DGKG: variants seen among roughly 807,000 people sequenced by gnomAD.
The protein encoded by DGKG is DAG kinase gamma.
A neutral mutation model predicts 105.3 loss-of-function variants in DGKG; 78 were observed. The ratio of observed to expected loss-of-function variants is 0.74; its 90% CI spans 0.62 to 0.89. The LOEUF is 0.89. Ranked by LOEUF, DGKG falls within the 40% of genes least tolerant of loss-of-function variation. The probability of loss-of-function intolerance (pLI) is 0.00; values close to 1 mark genes in which losing one functional copy is unlikely to be tolerated. For synonymous variants in DGKG, 346 were observed against 367.1 expected, an observed-to-expected ratio of 0.94 and a Z score of 0.66; for missense variants, 958 against 1,020.1, an observed-to-expected ratio of 0.94 and a Z score of 0.83.
intron 3 of DGKG, among the ~76,000 whole-genome samples, chr3:186,299,283 T>G (rs914883261): frequency 3.9e-5 from 6 of 152,340 alleles, no homozygotes; most frequent in African/African-American, 1.4e-4. Context: ...CCCATCAAAA[T>G]GTTGGTAGCA....
At chr3:186,294,253 C>G (rs898639206) in intron 5 of DGKG, among the ~76,000 whole-genome samples, 1 of 152,164 alleles carries the variant, frequency 6.6e-6, no homozygotes, top group Non-Finnish European at 1.5e-5. Context: ...TTCCTTGGTA[C>G]CTCAGAAACA....
chr3:186,264,573 T>G (rs1297455820), intron 14 of DGKG, among the ~76,000 whole-genome samples: 1 of 152,216 alleles, frequency 6.6e-6, no homozygotes, highest in Non-Finnish European at 1.5e-5. Flanking sequence ...CTTTTACTTT[T>G]CACAACACGT....
chr3:186,347,860 G>A (rs1726421844), intron 1 of DGKG, among the ~76,000 whole-genome samples: 1 of 152,210 alleles, frequency 6.6e-6, no homozygotes, highest in African/African-American at 2.4e-5. Flanking sequence ...TGGGATTACA[G>A]GCATGAGCCT....
At chr3:186,321,795 G>T (rs1473909046) in intron 1 of DGKG, among the ~76,000 whole-genome samples, 1 of 152,186 alleles carries the variant, frequency 6.6e-6, no homozygotes, top group African/African-American at 2.4e-5. Flanking sequence ...GAGAGAGAGA[G>T]ATTCTAGCTT....
intron 24 of DGKG, among the ~76,000 whole-genome samples, chr3:186,157,570 G>T (rs1244148588): frequency 1.3e-5 from 2 of 152,062 alleles, no homozygotes; most frequent in African/African-American, 4.8e-5. Context: ...TCACCAATAA[G>T]GCCATCTGTT....
intron 2 of DGKG, among the ~76,000 whole-genome samples, chr3:186,316,331 A>C (rs548499252): frequency 6.6e-6 from 1 of 152,374 alleles, no homozygotes; most frequent in African/African-American, 2.4e-5. Context: ...AGCATACAAA[A>C]TAGCACAACA....
chr3:186,216,253 G>A (rs561093983), intron 20 of DGKG, among the ~76,000 whole-genome samples: 109 of 151,852 alleles, frequency 7.2e-4, no homozygotes, highest in Non-Finnish European at 1.2e-3. Flanking sequence ...ATCCACCTTG[G>A]CCTCTCAAAG....
rs10529645 is a variant in DGKG, at chr3:186,250,557, C to CTTTTTTTTTTTTTTTTTTTT, written c.1761+1201_1761+1202insAAAAAAAAAAAAAAAAAAAA. 6.1e-4 allele frequency among the ~76,000 whole-genome samples: 71 copies of CTTTTTTTTTTTTTTTTTTTT among 116,146 alleles called. 4 individuals carry two copies. The highest frequency in any genetic ancestry group is 9.1e-4 in the African/African-American group (28 of 30,612). 76.2% of individuals were successfully genotyped at this position (116,146 alleles called of 152,430 possible). A position where few individuals can be genotyped will look rare whatever the true frequency, so the allele number is the denominator to read the frequency against. Reference sequence around the variant, plus strand: ...CAAATAGTTCAATAATTCTGTCATTCTTTTTTTTTTGAGACAGAGTCTCGC... The same window carrying CTTTTTTTTTTTTTTTTTTTT: ...CAAATAGTTCAATAATTCTGTCATTCTTTTTTTTTTTTTTTTTTTTTTTTTTTTTTGAGACAGAGTCTCGC... On this transcript the variant is annotated intron_variant, in intron 19 of 24. Transcript: ENST00000265022.
chr3:186,186,268 C>A (rs759675), intron 22 of DGKG, among the ~76,000 whole-genome samples: 1 of 152,012 alleles, frequency 6.6e-6, no homozygotes. Flanking sequence ...TTGATGTCAG[C>A]GGAGTTTTGT....
chr3:186,215,139 G>A (rs1293624195), intron 20 of DGKG, among the ~76,000 whole-genome samples: 2 of 152,150 alleles, frequency 1.3e-5, no homozygotes, highest in African/African-American at 2.4e-5. Flanking sequence ...GGTGGGGCGC[G>A]ACGGCTCACG....
At chr3:186,266,454 C>T (rs946079505) in intron 13 of DGKG, among the ~76,000 whole-genome samples, 1 of 152,130 alleles carries the variant, frequency 6.6e-6, no homozygotes, top group African/African-American at 2.4e-5. Flanking sequence ...TATGAGCATT[C>T]TTGTGCATGT....
At chr3:186,153,884 C>T (rs1376018512) in intron 24 of DGKG, among the ~76,000 whole-genome samples, 2 of 151,924 alleles carry the variant, frequency 1.3e-5, no homozygotes, top group African/African-American at 4.8e-5. Context: ...AGGGGCAGAT[C>T]GCATGAGCGC....
At chr3:186,165,120 C>G in intron 22 of DGKG, 102 bp from the exon 23 acceptor site, 2 of 1,275,324 alleles carry the variant, frequency 1.6e-6, no homozygotes, top group Non-Finnish European at 2.1e-6. Flanking sequence ...GTCTGTATCC[C>G]TTCATCTCCC....
intron 19 of DGKG, among the ~76,000 whole-genome samples, chr3:186,251,363 T>G (rs1168097015): frequency 6.6e-6 from 1 of 152,128 alleles, no homozygotes; most frequent in Non-Finnish European, 1.5e-5. Flanking sequence ...GACCACATGG[T>G]CTTCCTTTGA....
intron 22 of DGKG, among the ~76,000 whole-genome samples, chr3:186,173,175 C>T (rs1306930814): frequency 6.6e-6 from 1 of 152,230 alleles, no homozygotes. Flanking sequence ...CTCATTAAGG[C>T]TCTGTCTCCA....
At chr3:186,307,039 A>T in intron 2 of DGKG, 62 bp from the exon 3 acceptor site, 4 of 1,133,526 alleles carry the variant, frequency 3.5e-6, no homozygotes, top group Non-Finnish European at 4.0e-6. Flanking sequence ...TGGGCCAAGT[A>T]AATTCTCCCT....
At position 186,327,313 on chromosome 3, in the gene DGKG, G is replaced by A. The variant is rs550112512; in HGVS notation, c.-248-6606C>T. Among the ~76,000 whole-genome samples the A allele has an allele frequency of 2.6e-5, 4 of 151,494 alleles. No homozygotes were observed. In the South Asian group the frequency reaches 8.4e-4, roughly 32 times the overall value. ...GTGTTTAGTTTTGCACATGTGAGAA[G>A]ATATGTGAATATCTTATTTCCCCCT... On this transcript the variant is annotated intron_variant, in intron 1 of 24. Coordinates refer to ENST00000265022, the MANE Select transcript of DGKG (RefSeq NM_001346.3).
chr3:186,184,856 A>C (rs1008152809), intron 22 of DGKG, among the ~76,000 whole-genome samples: 2 of 152,188 alleles, frequency 1.3e-5, no homozygotes, highest in African/African-American at 2.4e-5. Context: ...AAGAGGCTGC[A>C]GAGAGAGCTC....
intron 15 of DGKG, among the ~76,000 whole-genome samples, chr3:186,261,261 G>A (rs4686759): frequency 0.95 from 144,987 of 152,312 alleles, 69,038 homozygotes; most frequent in East Asian, 0.98. Flanking sequence ...TCTAGCCTCC[G>A]CTGAACTGGG....
Sources: gnomAD v4.1 joint callset for allele counts (sites outside exome capture counted in the v4.1 genomes callset) on GRCh38, gnomAD v4.1.1 for gene constraint, MANE v1.5 for transcripts, NCBI Gene and HGNC (gene_info 2026-07-23, HGNC 2026-07-21) for gene names.